DPP6: variants seen among roughly 807,000 people sequenced by gnomAD.
DPP6 encodes A-type potassium channel modulatory protein DPP6.
DPP6 carries 69 observed loss-of-function variants against 122.6 expected under a neutral mutation model. The ratio of observed to expected loss-of-function variants is 0.56; its 90% CI spans 0.46 to 0.69. The LOEUF (loss-of-function observed/expected upper bound fraction) is 0.69, where lower values mean the gene tolerates loss of function less well. Among genes scored for constraint, DPP6 ranks in the 30% least tolerant of loss-of-function variants. The pLI is 0.00. For missense variants in DPP6, 928 were observed against 1,116.9 expected (o/e 0.83, Z 2.41); for synonymous variants, 418 against 433.1 (o/e 0.97, Z 0.43).
At chr7:154,229,409 T>C (rs560253125) in intron 1 of DPP6, among the ~76,000 whole-genome samples, 10 of 152,346 alleles carry the variant, frequency 6.6e-5, no homozygotes, top group African/African-American at 2.4e-4. Flanking sequence ...TTGGCACCCA[T>C]TGAGTGGAAT....
At chr7:153,985,137 A>G (rs1041446314) in intron 1 of DPP6, among the ~76,000 whole-genome samples, 3 of 152,114 alleles carry the variant, frequency 2.0e-5, no homozygotes, top group Admixed American at 1.3e-4. Context: ...GTGTCTTTCT[A>G]TTTTCCAATG....
At chr7:154,060,206 G>A (rs540918811) in intron 1 of DPP6, among the ~76,000 whole-genome samples, 2 of 134,784 alleles carry the variant, frequency 1.5e-5, no homozygotes, top group East Asian at 2.2e-4. Context: ...GACTGAGAGC[G>A]AGCCCCTCTT....
At chr7:154,633,596 A>G (rs1835539621) in intron 5 of DPP6, among the ~76,000 whole-genome samples, 1 of 152,256 alleles carries the variant, frequency 6.6e-6, no homozygotes, top group Admixed American at 6.5e-5. Flanking sequence ...AAAAAGAAAA[A>G]GACTTTATCT....
intron 8 of DPP6, 86 bp downstream of exon 8, chr7:154,727,973 G>T: frequency 6.7e-7 from 1 of 1,498,000 alleles, no homozygotes; most frequent in South Asian, 1.4e-5. Context: ...ATTTTTCTTT[G>T]ACTTTAACTG....
chr7:153,828,263 G>C, the DPP6 span, among the ~76,000 whole-genome samples: 12 of 152,206 alleles, frequency 7.9e-5, no homozygotes, highest in African/African-American at 2.9e-4. Context: ...AGTGGAGGGA[G>C]ACAGTGTGAC....
the DPP6 span, among the ~76,000 whole-genome samples, chr7:153,843,037 T>C: frequency 6.6e-6 from 1 of 150,988 alleles, no homozygotes; most frequent in Non-Finnish European, 1.5e-5. Flanking sequence ...CACACACACA[T>C]GCATACACAC....
chr7:154,080,553 T>A (rs1393413528), intron 1 of DPP6, among the ~76,000 whole-genome samples: 1 of 152,226 alleles, frequency 6.6e-6, no homozygotes, highest in Non-Finnish European at 1.5e-5. Context: ...TTTAATTGCT[T>A]GCTGGAGCAC....
At chr7:154,190,277 G>T (rs1798551806) in intron 1 of DPP6, among the ~76,000 whole-genome samples, 1 of 152,154 alleles carries the variant, frequency 6.6e-6, no homozygotes, top group African/African-American at 2.4e-5. Flanking sequence ...AGGTCTCCAG[G>T]TGAGTTTGAT....
At chr7:154,187,587 G>C (rs915343690) in intron 1 of DPP6, among the ~76,000 whole-genome samples, 1 of 152,138 alleles carries the variant, frequency 6.6e-6, no homozygotes, top group African/African-American at 2.4e-5. Flanking sequence ...TAGTTACAAT[G>C]ACATGAAACA....
At chr7:154,097,029 A>G (rs62485659) in intron 1 of DPP6, among the ~76,000 whole-genome samples, 14,268 of 152,120 alleles carry the variant, frequency 0.094, 623 homozygotes, top group Middle Eastern at 0.14. Context: ...AGGTGATGGG[A>G]TGGACCTGGC....
intron 11 of DPP6, 30 bp from the exon 12 acceptor site, chr7:154,795,815 C>T (rs1174020198): frequency 6.3e-7 from 1 of 1,595,512 alleles, no homozygotes; most frequent in South Asian, 1.1e-5. Context: ...AAGAAAAACC[C>T]TCTTGTCTAA....
intron 1 of DPP6, among the ~76,000 whole-genome samples, chr7:153,899,594 A>G (rs1799557053): frequency 1.3e-5 from 2 of 152,244 alleles, no homozygotes. Flanking sequence ...TTTGAATATC[A>G]TTAAAGTTCT....
chr7:154,786,753 CA>C (rs1797362460), intron 10 of DPP6, among the ~76,000 whole-genome samples: 1 of 152,066 alleles, frequency 6.6e-6, no homozygotes, highest in Non-Finnish European at 1.5e-5. Context: ...TTTTTCTTTC[CA>C]AAAGCTTTTT....
intron 10 of DPP6, among the ~76,000 whole-genome samples, chr7:154,790,008 G>C (rs1354297598): frequency 1.3e-5 from 2 of 152,134 alleles, no homozygotes; most frequent in East Asian, 3.9e-4. Context: ...GACCAGCCTG[G>C]GTAACATGGT....
intron 1 of DPP6, among the ~76,000 whole-genome samples, chr7:154,218,850 G>A (rs905412667): frequency 6.6e-6 from 1 of 152,164 alleles, no homozygotes; most frequent in Non-Finnish European, 1.5e-5. Context: ...AATATATGTA[G>A]CCATCTCCAA....
chr7:154,583,302 T>G (rs115964057), intron 5 of DPP6, among the ~76,000 whole-genome samples: 2,065 of 152,314 alleles, frequency 0.014, 66 homozygotes, highest in African/African-American at 0.047. Context: ...TGTGTAATTT[T>G]GGGTGGACAC....
intron 5 of DPP6, among the ~76,000 whole-genome samples, chr7:154,613,903 C>T (rs1025100016): frequency 6.6e-6 from 1 of 152,202 alleles, no homozygotes; most frequent in African/African-American, 2.4e-5. Flanking sequence ...AGCATGCAAC[C>T]ACATGGCCAG....
At chr7:153,762,853 G>C in the DPP6 span, among the ~76,000 whole-genome samples, 1 of 152,114 alleles carries the variant, frequency 6.6e-6, no homozygotes, top group African/African-American at 2.4e-5. Context: ...ACAGGACTCT[G>C]TCTCCTCCTA....
chr7:153,890,260 T>G (rs1799129636), intron 1 of DPP6, among the ~76,000 whole-genome samples: 2 of 152,254 alleles, frequency 1.3e-5, no homozygotes, highest in African/African-American at 4.8e-5. Context: ...CTGAGCTGTC[T>G]GGACTCGCAT....
Sources: gnomAD v4.1 joint callset for allele counts (sites outside exome capture counted in the v4.1 genomes callset) on GRCh38, gnomAD v4.1.1 for gene constraint, MANE v1.5 for transcripts, NCBI Gene and HGNC (gene_info 2026-07-23, HGNC 2026-07-21) for gene names.